The following ANO2 variants were observed in gnomAD, a reference collection of about 807,000 sequenced individuals.
The protein encoded by ANO2 is anoctamin-2.
In ANO2, 101 loss-of-function variants were observed where a neutral mutation model predicts 124.2. The ratio of observed to expected loss-of-function variants is 0.81; its 90% CI spans 0.69 to 0.96. The LOEUF (loss-of-function observed/expected upper bound fraction) is 0.96, where lower values mean the gene tolerates loss of function less well. Among genes scored for constraint, ANO2 ranks in the 40% least tolerant of loss-of-function variants. ANO2 has a pLI of 0.00. For missense variants in ANO2, 1,293 were observed against 1,274.5 expected, an observed-to-expected ratio of 1.01 and a Z score of -0.22; for synonymous variants, 486 against 482.5, an observed-to-expected ratio of 1.01 and a Z score of -0.09.
rs1175248998 is a variant in ANO2, at chr12:5,895,727, T to C, written c.534+25313A>G. Reference sequence around the variant, plus strand: ...ATCACTATGAAAAACAGTATGGAGATTCCTTAAAGAACTAAAAGTAGAACT... The same window carrying C: ...ATCACTATGAAAAACAGTATGGAGACTCCTTAAAGAACTAAAAGTAGAACT... On this transcript the variant is annotated intron_variant, in intron 3 of 24. Transcript: ENST00000682330. Among the ~76,000 whole-genome samples the C allele has an allele frequency of 2.6e-5, 4 of 151,908 alleles. No homozygotes were observed. The East Asian group carries it at 5.8e-4, about 22-fold the overall frequency.
intron 5 of ANO2, among the ~76,000 whole-genome samples, chr12:5,830,766 T>C (rs951545190): frequency 6.6e-6 from 1 of 152,220 alleles, no homozygotes; most frequent in East Asian, 1.9e-4. Flanking sequence ...AGCAATAAGA[T>C]GCAATGCCCA....
intron 3 of ANO2, among the ~76,000 whole-genome samples, chr12:5,865,184 A>C (rs1244019740): frequency 1.3e-5 from 2 of 152,228 alleles, no homozygotes; most frequent in East Asian, 3.9e-4. Flanking sequence ...TGATTCAATC[A>C]TCCTAACAAA....
chr12:5,744,216 G>T lies in ANO2; in HGVS notation c.1292C>A (p.Ala431Asp). 1.2e-6 allele frequency: 2 copies of T among 1,612,962 alleles called. No individual in the cohort carries two copies. Among genetic ancestry groups the T allele is most frequent in the Non-Finnish European group, 1.7e-6 (2 of 1,179,888 alleles). ...GGCAGGGTTGTCAAACAGGTGGCTG[G>T]CCTGCGCGGTCCCACAGGCTGAGCT... ...NLSSACGTAQASHLFDNPATV... is the reference protein window; with the variant it reads ...NLSSACGTAQDSHLFDNPATV... The change falls in exon 12 of 25, where the codon GCC becomes GAC. Residue 431 changes from alanine to aspartate, a missense_variant. Transcript: ENST00000682330.
intron 16 of ANO2, among the ~76,000 whole-genome samples, chr12:5,620,418 G>C (rs1945053618): frequency 6.6e-6 from 1 of 152,202 alleles, no homozygotes; most frequent in African/African-American, 2.4e-5. Context: ...ACTTTGCAAA[G>C]AGCATTGCCC....
chr12:5,618,628 C>T (rs1199741879), intron 16 of ANO2, among the ~76,000 whole-genome samples: 1 of 152,148 alleles, frequency 6.6e-6, no homozygotes, highest in African/African-American at 2.4e-5. Flanking sequence ...GAATGTCTGA[C>T]CCATTATTGT....
chr12:5,635,262 C>T lies in ANO2; in HGVS notation c.1706G>A (p.Arg569His), dbSNP rs781061139. Residue 569 changes from arginine to histidine, a missense_variant, in exon 16 of 25, where the codon CGC becomes CAC. Physicochemically the swap from Arg to His is conservative, Grantham distance 29. Coordinates refer to ENST00000682330, the MANE Select transcript of ANO2 (RefSeq NM_001364791.2). The surrounding 1 kb of genome is among the most constrained non-coding windows in gnomAD (Gnocchi z 5.2). ...TGTCACTGTCACCCGGACATTGGAG[C>T]GTGTAGCCTTATTGAGAGACAGAGC... The part of the protein sequence containing the change: ...AAALSLNKAT[R>H]SNVRVTVTAT... 12 of 1,612,428 alleles carry T rather than the reference C, an allele frequency of 7.4e-6. No homozygotes were observed. Among genetic ancestry groups the T allele is most frequent in the Non-Finnish European group, 1.0e-5 (12 of 1,179,584 alleles).
chr12:5,881,114 G>GA (rs569917801), intron 3 of ANO2, among the ~76,000 whole-genome samples: 6 of 152,070 alleles, frequency 3.9e-5, no homozygotes, highest in African/African-American at 1.2e-4. Context: ...TATGTCTACA[G>GA]AAAAAAAGAA....
intron 10 of ANO2, among the ~76,000 whole-genome samples, chr12:5,785,747 T>C (rs2137140787): frequency 6.6e-6 from 1 of 152,032 alleles, no homozygotes; most frequent in East Asian, 1.9e-4. Context: ...TCAAAGCCAT[T>C]TGGAGCAGCA....
chr12:5,691,976 G>A (rs1948963541), intron 14 of ANO2, among the ~76,000 whole-genome samples: 1 of 152,190 alleles, frequency 6.6e-6, no homozygotes, highest in African/African-American at 2.4e-5. Context: ...ATGGCAGCCA[G>A]ATCTTGTGAG....
Position 5,921,279 on chromosome 12 carries a change from C to G in ANO2, c.295G>C (p.Val99Leu). 1.2e-6 allele frequency: 2 copies of G among 1,614,016 alleles called. No homozygotes were observed. The highest frequency in any genetic ancestry group is 1.7e-6 in the Non-Finnish European group (2 of 1,179,896). Residue 99 changes from valine to leucine, a missense_variant, in exon 3 of 25, where the codon GTC becomes CTC. By Grantham distance (32) the Val-to-Leu change is conservative (BLOSUM62 1). Transcript: ENST00000682330. ...RMHFHDSQRK[V>L]DYVLAYHYRK... The stretch of plus-strand genomic sequence containing the variant: ...TAGTGGTAGGCAAGTACATAGTCGA[C>G]CTTCCTCTGACTGTCATGGAAGTGC...
chr12:5,630,304 C>A (rs1469883964), intron 16 of ANO2, among the ~76,000 whole-genome samples: 1 of 152,234 alleles, frequency 6.6e-6, no homozygotes, highest in Non-Finnish European at 1.5e-5. Flanking sequence ...CTTCTCATTC[C>A]ATTAGGTGGC....
At chr12:5,889,221 A>G (rs1939207372) in intron 3 of ANO2, among the ~76,000 whole-genome samples, 1 of 151,380 alleles carries the variant, frequency 6.6e-6, no homozygotes, top group East Asian at 1.9e-4. Flanking sequence ...GTTCCCGACC[A>G]TGCCTCTCCC....
At chr12:5,700,266 A>G (rs1402547011) in intron 14 of ANO2, among the ~76,000 whole-genome samples, 2 of 152,244 alleles carry the variant, frequency 1.3e-5, no homozygotes, top group Non-Finnish European at 1.5e-5. Context: ...CAATCAAACT[A>G]GAACTCAGGA....
At chr12:5,735,812 G>T (rs1950838588) in intron 13 of ANO2, among the ~76,000 whole-genome samples, 1 of 152,150 alleles carries the variant, frequency 6.6e-6, no homozygotes, top group Non-Finnish European at 1.5e-5. Context: ...GGAGGAGAAT[G>T]ACACAAGCTG....
At chr12:5,612,038 G>T (rs1235280309) in intron 19 of ANO2, among the ~76,000 whole-genome samples, 1 of 152,164 alleles carries the variant, frequency 6.6e-6, no homozygotes, top group Admixed American at 6.5e-5. Flanking sequence ...ATTTTTCTTT[G>T]ACCTGTAAGC....
chr12:5,628,360 A>G (rs917881821), intron 16 of ANO2, among the ~76,000 whole-genome samples: 4 of 152,100 alleles, frequency 2.6e-5, no homozygotes, highest in Middle Eastern at 3.2e-3. Flanking sequence ...CTGCATTCTA[A>G]ATCTTCTGGA....
intron 14 of ANO2, among the ~76,000 whole-genome samples, chr12:5,687,865 A>AAAC (rs55948227): frequency 0.88 from 133,541 of 151,520 alleles, 58,941 homozygotes; most frequent in East Asian, 0.95. Flanking sequence ...AGGACTGCCA[A>AAAC]AACAACAACA....
chr12:5,672,067 G>C (rs1196804475), intron 14 of ANO2, among the ~76,000 whole-genome samples: 2 of 152,154 alleles, frequency 1.3e-5, no homozygotes, highest in African/African-American at 2.4e-5. Flanking sequence ...ACAGCCTAAA[G>C]GTTTCATCCA....
At position 5,603,244 on chromosome 12, in the gene ANO2, T is replaced by A. The variant is rs78736793; in HGVS notation, c.2088-3615A>T. On this transcript the variant is annotated intron_variant, in intron 19 of 24. Transcript: ENST00000682330. ...AAAAAAATGTGACTAATAAGACATG[T>A]GATGTGTTTGATGAAATAATCTCAC... is the stretch of plus-strand genomic sequence containing the variant. Among the ~76,000 whole-genome samples, 1,502 of 152,258 alleles carry A rather than the reference T, an allele frequency of 9.9e-3. 19 individuals carry two copies. The highest frequency in any genetic ancestry group is 0.033 in the African/African-American group (1,353 of 41,544).
Sources: allele counts gnomAD v4.1 joint callset (sites outside exome capture counted in the v4.1 genomes callset), GRCh38; gene constraint gnomAD v4.1.1; non-coding constraint Gnocchi (gnomAD v3.1); transcripts MANE v1.5; gene names NCBI Gene and HGNC (gene_info 2026-07-23, HGNC 2026-07-21).